ADAMTS16: variants seen among roughly 807,000 people sequenced by gnomAD.
The protein encoded by ADAMTS16 is A disintegrin and metalloproteinase with thrombospondin motifs 16.
ADAMTS16 carries 94 observed loss-of-function variants against 145.8 expected under a neutral mutation model. That is an observed-to-expected ratio of 0.64 (90% CI 0.55 to 0.77). The LOEUF (loss-of-function observed/expected upper bound fraction) is 0.77, where lower values mean the gene tolerates loss of function less well. ADAMTS16 is among the 30% of genes least tolerant of loss of function. ADAMTS16 has a pLI of 0.00. For synonymous variants in ADAMTS16, 659 were observed against 604.3 expected (o/e 1.09, Z -1.33); for missense variants, 1,585 against 1,591.5 (o/e 1.00, Z 0.07).
rs570763303 is a variant in ADAMTS16, at chr5:5,309,703, C to A, written c.3411+2975C>A. Among the ~76,000 whole-genome samples, 9 of 152,134 alleles carry A rather than the reference C, an allele frequency of 5.9e-5. No individual in the cohort carries two copies. In the East Asian group the frequency reaches 1.7e-3, roughly 29 times the overall value. ...AAAGCCAAAGGTAACCCTCACTGGCCAACCATGTGCTTCCTGGCTGCTGAC... is the reference window on the plus strand; with the variant it reads ...AAAGCCAAAGGTAACCCTCACTGGCAAACCATGTGCTTCCTGGCTGCTGAC... On this transcript the variant is annotated intron_variant, in intron 21 of 22. Transcript: ENST00000274181.
At chr5:5,219,553 G>A (rs1736534048) in intron 10 of ADAMTS16, among the ~76,000 whole-genome samples, 1 of 152,220 alleles carries the variant, frequency 6.6e-6, no homozygotes, top group Admixed American at 6.5e-5. Context: ...AGAGTGTCAT[G>A]TTTATTAAAT....
chr5:5,200,877 T>A (rs1371348336), intron 9 of ADAMTS16, among the ~76,000 whole-genome samples: 1 of 152,138 alleles, frequency 6.6e-6, no homozygotes, highest in Non-Finnish European at 1.5e-5. Flanking sequence ...GATAAAACAT[T>A]GGGGAGGTAG....
At chr5:5,155,375 A>G (rs995814202) in intron 3 of ADAMTS16, among the ~76,000 whole-genome samples, 1 of 152,214 alleles carries the variant, frequency 6.6e-6, no homozygotes, top group African/African-American at 2.4e-5. Context: ...TATTAACTGT[A>G]TCAATCACAG....
At chr5:5,185,118 A>T (rs1735461885) in intron 4 of ADAMTS16, among the ~76,000 whole-genome samples, 1 of 152,190 alleles carries the variant, frequency 6.6e-6, no homozygotes, top group African/African-American at 2.4e-5. Context: ...ATTAATGGCA[A>T]ATGAGTGCTC....
chr5:5,313,208 G>T (rs749163234), intron 21 of ADAMTS16, among the ~76,000 whole-genome samples: 5 of 152,094 alleles, frequency 3.3e-5, no homozygotes, highest in Non-Finnish European at 5.9e-5. Context: ...TGGCTGAAAG[G>T]GCTGTGTTTA....
At chr5:5,140,615 T>A in intron 1 of ADAMTS16, 49 bp from the exon 2 acceptor site, 1 of 1,524,022 alleles carries the variant, frequency 6.6e-7, no homozygotes, top group Non-Finnish European at 8.8e-7. Flanking sequence ...GCGGCTCCTC[T>A]CCCGCGGACC....
chr5:5,244,598 T>A (rs1489329402), intron 17 of ADAMTS16, among the ~76,000 whole-genome samples: 1 of 152,206 alleles, frequency 6.6e-6, no homozygotes, highest in Non-Finnish European at 1.5e-5. Flanking sequence ...AGGTTACAGG[T>A]AACTTGGTTC....
intron 10 of ADAMTS16, 69 bp downstream of exon 10, chr5:5,209,315 G>A (rs1736213767): frequency 6.4e-7 from 1 of 1,563,548 alleles, no homozygotes; most frequent in Admixed American, 1.7e-5. Flanking sequence ...TGTAACTGAT[G>A]TTGATATATT....
rs373777981 is a variant in ADAMTS16 at position 5,191,722 on chromosome 5, C to A, written c.1245C>A (p.Arg415=). The A allele has an allele frequency of 5.0e-6, 8 of 1,613,644 alleles. No homozygotes were observed. Among genetic ancestry groups the A allele is most frequent in the Middle Eastern group, 1.6e-4 (1 of 6,082 alleles). ...TAAGTGGAATGTGTAGTAAATATCG[C>A]AGCTGCACGATTAATGAAGATACAG... ...APISGMCSKY[R]SCTINEDTGL... is the part of the protein sequence containing the mutation. The change falls in exon 8 of 23, where the codon CGC becomes CGA. Residue 415 remains arginine (R), a synonymous_variant. Coordinates refer to ENST00000274181, the MANE Select transcript of ADAMTS16 (RefSeq NM_139056.4).
chr5:5,239,305 G>A, intron 15 of ADAMTS16, 31 bp downstream of exon 15: 1 of 1,512,232 alleles, frequency 6.6e-7, no homozygotes. Context: ...TGCAAGCCTT[G>A]GGCAAAGAAG....
At position 5,140,802 on chromosome 5, in the gene ADAMTS16, A is replaced by T. The variant is rs150708974; in HGVS notation, c.175+36A>T. ...GAGGTGGGGGCTTCTAATCCTTGCC[A>T]TTTAGCAGCTCGTAATCTCCGTGCC... On this transcript the variant is annotated intron_variant, in intron 2 of 22. Coordinates refer to ENST00000274181, the MANE Select transcript of ADAMTS16 (RefSeq NM_139056.4). The T allele has an allele frequency of 5.3e-6, 8 of 1,507,468 alleles. No individual in the cohort carries two copies. In the South Asian group the frequency reaches 9.7e-5, roughly 18 times the overall value. The allele number at this position is 1,507,468 out of a possible 1,614,324, so 93.4% of individuals were successfully genotyped here. A position where few individuals can be genotyped will look rare whatever the true frequency, so the allele number is the denominator to read the frequency against.
At chr5:5,232,663 G>A (rs1225760024) in intron 12 of ADAMTS16, 147 bp downstream of exon 12, 32 of 1,051,546 alleles carry the variant, frequency 3.0e-5, no homozygotes, top group Non-Finnish European at 4.1e-5. Flanking sequence ...GAGTGCAGTG[G>A]TGTGATCTTG....
chr5:5,200,236 C>T lies in ADAMTS16; in HGVS notation c.1418C>T (p.Pro473Leu), dbSNP rs767713993. ...CGCAATGGAGTCTTCTCCTGGTCAC[C>T]CTGCAGCCGCCAGTATCTACACAAA... Reference protein sequence around the residue: ...AGRNGVFSWSPCSRQYLHKFL... With the variant: ...AGRNGVFSWSLCSRQYLHKFL... Residue 473 changes from proline (P) to leucine (L), a missense_variant, in exon 9 of 23, where the codon CCC (proline) becomes CTC (leucine). Coordinates refer to ENST00000274181, the MANE Select transcript of ADAMTS16 (RefSeq NM_139056.4). The T allele has an allele frequency of 6.2e-6, 10 of 1,613,478 alleles. No homozygotes were observed. In the East Asian group the frequency reaches 2.2e-4, roughly 36 times the overall value.
intron 10 of ADAMTS16, among the ~76,000 whole-genome samples, chr5:5,212,214 G>GTTTTT (rs563286650): frequency 9.9e-6 from 1 of 100,622 alleles, no homozygotes; most frequent in Admixed American, 1.3e-4. Flanking sequence ...GTTTTGTTTT[G>GTTTTT]TTTTTTTTTT....
At chr5:5,200,009 G>A in intron 8 of ADAMTS16, 123 bp from the exon 9 acceptor site, 3 of 1,172,672 alleles carry the variant, frequency 2.6e-6, no homozygotes, top group Non-Finnish European at 3.5e-6. Flanking sequence ...TTTTATTTTT[G>A]CCTGCCTAGC....
intron 18 of ADAMTS16, among the ~76,000 whole-genome samples, chr5:5,291,527 C>T (rs1560991015): frequency 6.6e-6 from 1 of 152,220 alleles, no homozygotes. Context: ...CTGTGACCAT[C>T]TCCCCTTTGC....
At chr5:5,158,672 A>T (rs188948730) in intron 3 of ADAMTS16, among the ~76,000 whole-genome samples, 34 of 152,338 alleles carry the variant, frequency 2.2e-4, no homozygotes, top group Non-Finnish European at 2.9e-4. Flanking sequence ...TTCTAGTTAC[A>T]GATAAAGAAA....
chr5:5,187,640 C>A, intron 5 of ADAMTS16, 85 bp from the exon 6 acceptor site: 1 of 847,680 alleles, frequency 1.2e-6, no homozygotes, highest in Non-Finnish European at 2.0e-6. Context: ...CACTGAAGAA[C>A]AAGGGCGTTG....
chr5:5,208,032 T>C (rs1736175888), intron 9 of ADAMTS16, among the ~76,000 whole-genome samples: 1 of 152,216 alleles, frequency 6.6e-6, no homozygotes, highest in Non-Finnish European at 1.5e-5. Flanking sequence ...AATGCTGACC[T>C]CATCTTAAAA....
Sources: allele counts gnomAD v4.1 joint callset (sites outside exome capture counted in the v4.1 genomes callset), GRCh38; gene constraint gnomAD v4.1.1; transcripts MANE v1.5; gene names NCBI Gene and HGNC (gene_info 2026-07-23, HGNC 2026-07-21).